IL10: variants seen among roughly 807,000 people sequenced by gnomAD.
IL10 encodes interleukin-10.
In IL10, 7 loss-of-function variants were observed where a neutral mutation model predicts 21.0. The observed-to-expected ratio is 0.33, with a 90% CI of 0.19 to 0.63. The LOEUF is 0.63. IL10 is among the 20% of genes least tolerant of loss of function. IL10 has a pLI of 0.77. For missense variants in IL10, 161 were observed against 213.0 expected, an observed-to-expected ratio of 0.76 and a Z score of 1.52; for synonymous variants, 83 against 79.7, an observed-to-expected ratio of 1.04 and a Z score of -0.22.
At chr1:206,770,199 G>A (rs1297675036) in intron 3 of IL10, among the ~76,000 whole-genome samples, 1 of 152,124 alleles carries the variant, frequency 6.6e-6, no homozygotes, top group East Asian at 1.9e-4. Flanking sequence ...GTCCTTTTCT[G>A]CCTCTCTCTC....
In IL10 at chr1:206,770,224, C is replaced by T. The variant is rs190113461; in HGVS notation, c.379-330G>A. ...GCCTCTCTCTCCTGTTCCTCCCCGT[C>T]AGTCACAGCCACCGAGGAACACTTC... On this transcript the variant is annotated intron_variant, in intron 3 of 4. Transcript: ENST00000423557. Among the ~76,000 whole-genome samples, 74 of 152,272 alleles carry T rather than the reference C, an allele frequency of 4.9e-4. No homozygotes were observed. The Middle Eastern group carries it at 0.014, about 28-fold the overall frequency.
In IL10 at chr1:206,770,980, T is replaced by G. The variant is rs1674813773; in HGVS notation, c.305A>C (p.Asp102Ala). 8 of 1,614,100 alleles carry G rather than the reference T, an allele frequency of 5.0e-6. No homozygotes were observed. The East Asian group carries it at 1.6e-4, about 31-fold the overall frequency. The change falls in exon 3 of 5, where the codon GAC (aspartate) becomes GCC (alanine). Residue 102 changes from aspartate to alanine, a missense_variant. Coordinates refer to ENST00000423557, the MANE Select transcript of IL10 (RefSeq NM_000572.3). The part of the protein sequence containing the change: ...EEVMPQAENQ[D>A]PDIKAHVNSL... ...GTTCACATGCGCCTTGATGTCTGGG[T>G]CTTGGTTCTCAGCTTGGGGCATCAC...
Position 206,768,742 on chromosome 1 carries a change from T to C in IL10, c.445-14A>G. On this transcript the variant is annotated splice_polypyrimidine_tract_variant and intron_variant, in intron 4 of 4. Coordinates refer to ENST00000423557, the MANE Select transcript of IL10 (RefSeq NM_000572.3). ...TTTCTCTTGGAGCTGTGCAGAGAGA[T>C]AAGAAACATACAGTTAAAATCCTTT... 1 of 1,527,430 alleles carries C rather than the reference T, an allele frequency of 6.5e-7. No homozygotes were observed. Among genetic ancestry groups the C allele is most frequent in the Non-Finnish European group, 9.1e-7 (1 of 1,101,314 alleles). The allele number at this position is 1,527,430 out of a possible 1,614,324, so 94.6% of individuals were successfully genotyped here. A position where few individuals can be genotyped will look rare whatever the true frequency, so the allele number is the denominator to read the frequency against.
At chr1:206,771,247 T>C in intron 2 of IL10, 109 bp downstream of exon 2, 1 of 1,204,902 alleles carries the variant, frequency 8.3e-7, no homozygotes, top group Non-Finnish European at 1.2e-6. Flanking sequence ...TTCCCACTTC[T>C]CCTTTTCAAA....
intron 2 of IL10, 145 bp from the exon 3 acceptor site, chr1:206,771,204 C>T: frequency 8.6e-7 from 1 of 1,167,060 alleles, no homozygotes; most frequent in Non-Finnish European, 1.3e-6. Context: ...CCTTTGTAAA[C>T]CCTCTGGCTG....
chr1:206,769,511 T>C, intron 4 of IL10: 1 of 472,194 alleles, frequency 2.1e-6, no homozygotes, highest in Admixed American at 3.4e-5. Flanking sequence ...AGCTACTTTC[T>C]GTACTTTCTG....
chr1:206,771,463 C>A, intron 1 of IL10, 48 bp from the exon 2 acceptor site: 1 of 1,469,212 alleles, frequency 6.8e-7, no homozygotes, highest in Non-Finnish European at 9.4e-7. Flanking sequence ...GGGGAAATAA[C>A]TGAAATGCGG....
In IL10 at chr1:206,768,308, AT is replaced by A. The variant is rs9282739; in HGVS notation, c.*327del. On this transcript the variant is annotated 3_prime_UTR_variant, in exon 5 of 5. Transcript: ENST00000423557. ...AGCTTCTGTTGGCTCCCCAAAGAACATTTTTTTTCCTCCCTTATGTAACTTA... is the reference window on the plus strand; with the variant it reads ...AGCTTCTGTTGGCTCCCCAAAGAACATTTTTTTCCTCCCTTATGTAACTTA... 4,369 of 323,698 alleles carry A rather than the reference AT, an allele frequency of 0.013. 186 individuals carry two copies. Among genetic ancestry groups the A allele is most frequent in the African/African-American group, 0.087 (4,049 of 46,676 alleles). The allele number at this position is 323,698 out of a possible 1,614,324, so 20.1% of individuals were successfully genotyped here. A position where few individuals can be genotyped will look rare whatever the true frequency, so the allele number is the denominator to read the frequency against.
Position 206,772,477 on chromosome 1 carries a change from A to G in IL10, c.-42T>C. The G allele has an allele frequency of 6.2e-7, 1 of 1,602,398 alleles. No individual in the cohort carries two copies. Among genetic ancestry groups the G allele is most frequent in the Non-Finnish European group, 8.5e-7 (1 of 1,171,186 alleles). On this transcript the variant is annotated 5_prime_UTR_variant, in exon 1 of 5. Coordinates refer to ENST00000423557, the MANE Select transcript of IL10 (RefSeq NM_000572.3). ...CTGTCTTGTGGTTTGGTTTTGCAAG[A>G]GCAAGCCCCTGATGTGTAGACCTTC...
At position 206,772,379 on chromosome 1, in the gene IL10, G is replaced by A. The variant is rs1395293404; in HGVS notation, c.57C>T (p.Ser19=). ...TCTCAGACTGGGTGCCCTGGCCTGG[G>A]CTGGCCCTCACCCCAGTCAGGAGGA... is the stretch of plus-strand genomic sequence containing the variant. ...CLVLLTGVRA[S]PGQGTQSENS... is the part of the protein sequence containing the mutation. The change falls in exon 1 of 5, where the codon AGC becomes AGT. Residue 19 remains serine, a synonymous_variant. Coordinates refer to ENST00000423557, the MANE Select transcript of IL10 (RefSeq NM_000572.3). The A allele has an allele frequency of 6.2e-7, 1 of 1,614,102 alleles. No homozygotes were observed. The highest frequency in any genetic ancestry group is 1.7e-5 in the Admixed American group (1 of 60,024).
intron 2 of IL10, 98 bp downstream of exon 2, chr1:206,771,258 G>T: frequency 1.6e-6 from 2 of 1,266,798 alleles, no homozygotes; most frequent in Non-Finnish European, 2.3e-6. Context: ...CCTTTTCAAA[G>T]CGAAGGAAAC....
At chr1:206,769,149 A>AC (rs1334678795) in intron 4 of IL10, among the ~76,000 whole-genome samples, 1 of 152,096 alleles carries the variant, frequency 6.6e-6, no homozygotes, top group Non-Finnish European at 1.5e-5. Flanking sequence ...TGCCGCCCTG[A>AC]CCTACTATGA....
At chr1:206,769,959 G>A (rs1674772836) in intron 3 of IL10, 65 bp from the exon 4 acceptor site, 3 of 1,340,102 alleles carry the variant, frequency 2.2e-6, no homozygotes, top group African/African-American at 1.4e-5. Context: ...CACACTTAGG[G>A]GACAAGCTGG....
intron 3 of IL10, chr1:206,770,673 C>T (rs904793880): frequency 1.0e-5 from 6 of 573,574 alleles, no homozygotes; most frequent in African/African-American, 9.4e-5. Context: ...AAATGACTCA[C>T]AAATAACAGG....
intron 3 of IL10, 23 bp downstream of exon 3, chr1:206,770,884 G>GA (rs753066499): frequency 3.3e-5 from 54 of 1,612,912 alleles, no homozygotes; most frequent in Non-Finnish European, 4.5e-5. Context: ...AGCTGCAAGG[G>GA]AAAAAACTGA....
chr1:206,770,804 G>A, intron 3 of IL10, 103 bp downstream of exon 3: 2 of 1,121,454 alleles, frequency 1.8e-6, no homozygotes, highest in Non-Finnish European at 2.7e-6. Context: ...AGCTCTGCCA[G>A]TCTGTGTCTT....
At chr1:206,769,401 T>G (rs1240205518) in intron 4 of IL10, among the ~76,000 whole-genome samples, 1 of 152,246 alleles carries the variant, frequency 6.6e-6, no homozygotes, top group Non-Finnish European at 1.5e-5. Flanking sequence ...CTGCTCATTC[T>G]GAGTTCTGGG....
Position 206,771,314 on chromosome 1 carries a change from A to G in IL10, c.225+42T>C, listed in dbSNP as rs3024506. The stretch of plus-strand genomic sequence containing the variant: ...AGGAAGCAGAGTCTCCCTTCCCTTA[A>G]TCATGCTGCACACTCCCCCAGCACC... On this transcript the variant is annotated intron_variant, in intron 2 of 4. Transcript: ENST00000423557. The G allele has an allele frequency of 3.1e-3, 4,783 of 1,561,460 alleles. 6 individuals are homozygous for G. Among genetic ancestry groups the G allele is most frequent in the Non-Finnish European group, 3.8e-3 (4,354 of 1,132,832 alleles).
intron 3 of IL10, chr1:206,770,440 C>T (rs1674792495): frequency 7.8e-6 from 2 of 257,376 alleles, no homozygotes; most frequent in Non-Finnish European, 1.5e-5. Context: ...GGATGAATAG[C>T]CCCCTTGTCC....
Sources: gnomAD v4.1 joint callset for allele counts (sites outside exome capture counted in the v4.1 genomes callset) on GRCh38, gnomAD v4.1.1 for gene constraint, MANE v1.5 for transcripts, NCBI Gene and HGNC (gene_info 2026-07-23, HGNC 2026-07-21) for gene names.